The following GAB2 variants were observed in gnomAD, a reference collection of about 807,000 sequenced individuals.
The protein encoded by GAB2 is GRB2-associated-binding protein 2.
GAB2 carries 26 observed loss-of-function variants against 65.5 expected under a neutral mutation model. The ratio of observed to expected loss-of-function variants is 0.40; its 90% CI spans 0.29 to 0.55. The LOEUF is 0.55. GAB2 is among the 20% of genes least tolerant of loss of function. The pLI, the probability that GAB2 is intolerant of heterozygous loss-of-function variation, is 0.53. For synonymous variants in GAB2, 321 were observed against 329.6 expected (o/e 0.97, Z 0.28); for missense variants, 884 against 875.8 (o/e 1.01, Z -0.12).
intron 4 of GAB2, among the ~76,000 whole-genome samples, chr11:78,225,842 G>T (rs1185512014): frequency 6.6e-6 from 1 of 152,184 alleles, no homozygotes; most frequent in East Asian, 1.9e-4. Flanking sequence ...CAACAGGATG[G>T]ACAAGAAAAG....
At chr11:78,319,823 G>A (rs1855687013) in intron 1 of GAB2, among the ~76,000 whole-genome samples, 2 of 151,896 alleles carry the variant, frequency 1.3e-5, no homozygotes, top group African/African-American at 4.8e-5. Flanking sequence ...AACAGACATG[G>A]TCCATGATCT....
chr11:78,382,013 C>T (rs187108845), intron 1 of GAB2, among the ~76,000 whole-genome samples: 27 of 152,348 alleles, frequency 1.8e-4, no homozygotes, highest in Middle Eastern at 3.4e-3. Context: ...ATCATTCCAG[C>T]GTGTCAGTAA....
rs539583225 is a variant in GAB2 at position 78,410,919 on chromosome 11, T to C, written c.75+6727A>G. On this transcript the variant is annotated intron_variant, in intron 1 of 9. Transcript: ENST00000361507. ...ATCGCAGCACTCTGGGAAGCCAAGG[T>C]GGGAGGACTGCTTAAGCTCCGGAGT... Among the ~76,000 whole-genome samples, 14 of 151,816 alleles carry C rather than the reference T, an allele frequency of 9.2e-5. 1 individual carries two copies. In the South Asian group the frequency reaches 2.9e-3, roughly 32 times the overall value.
intron 1 of GAB2, among the ~76,000 whole-genome samples, chr11:78,281,646 A>T (rs1161321720): frequency 6.6e-6 from 1 of 152,172 alleles, no homozygotes; most frequent in Non-Finnish European, 1.5e-5. Flanking sequence ...CAGATTTCCC[A>T]AGTTTCAAAA....
At chr11:78,409,884 C>T (rs547469228) in intron 1 of GAB2, among the ~76,000 whole-genome samples, 1 of 152,192 alleles carries the variant, frequency 6.6e-6, no homozygotes, top group East Asian at 1.9e-4. Context: ...ATAAAATAAA[C>T]CTTGACAAGT....
intron 1 of GAB2, among the ~76,000 whole-genome samples, chr11:78,355,680 TAAAAAAA>T (rs67850407): frequency 2.5e-5 from 2 of 79,142 alleles, no homozygotes; most frequent in Non-Finnish European, 4.3e-5. Flanking sequence ...CTGTCTCACT[TAAAAAAA>T]AAAAAAAAAA....
At chr11:78,388,622 C>T (rs973023344) in intron 1 of GAB2, among the ~76,000 whole-genome samples, 1 of 152,184 alleles carries the variant, frequency 6.6e-6, no homozygotes, top group Non-Finnish European at 1.5e-5. Context: ...GCCACTGTGC[C>T]TGGCATCATA....
chr11:78,379,509 G>A (rs1856671643), intron 1 of GAB2, among the ~76,000 whole-genome samples: 1 of 152,204 alleles, frequency 6.6e-6, no homozygotes, highest in Middle Eastern at 3.2e-3. Flanking sequence ...TGACCGACAA[G>A]ACAGATTTCC....
Position 78,221,542 on chromosome 11 carries a change from G to T in GAB2, c.1761+135C>A. ...AACAGGTGCTCAAGAAGGGTTTGTA[G>T]CAGGAGACTAAATCATGAATAATAC... On this transcript the variant is annotated intron_variant, in intron 8 of 9. Coordinates refer to ENST00000361507, the MANE Select transcript of GAB2 (RefSeq NM_080491.3). The T allele has an allele frequency of 6.1e-6, 3 of 495,238 alleles. No individual in the cohort carries two copies. The South Asian group carries it at 9.7e-5, about 16-fold the overall frequency. The allele number at this position is 495,238 out of a possible 1,614,324, so 30.7% of individuals were successfully genotyped here. A position where few individuals can be genotyped will look rare whatever the true frequency, so the allele number is the denominator to read the frequency against.
intron 3 of GAB2, among the ~76,000 whole-genome samples, chr11:78,241,095 C>G (rs1865121425): frequency 6.6e-6 from 1 of 152,148 alleles, no homozygotes; most frequent in Non-Finnish European, 1.5e-5. Flanking sequence ...GAGAAAGACC[C>G]AAAAAGCCCT....
At chr11:78,332,481 A>G (rs1317265138) in intron 1 of GAB2, among the ~76,000 whole-genome samples, 1 of 152,212 alleles carries the variant, frequency 6.6e-6, no homozygotes, top group Non-Finnish European at 1.5e-5. Context: ...CTATGATAGC[A>G]CAAAAAGAAG....
chr11:78,332,109 C>T (rs566228984), intron 1 of GAB2, among the ~76,000 whole-genome samples: 1 of 152,194 alleles, frequency 6.6e-6, no homozygotes, highest in Admixed American at 6.5e-5. Context: ...AACAAACCCC[C>T]TCCAAAACTG....
chr11:78,280,976 A>G, intron 1 of GAB2, 75 bp from the exon 2 acceptor site: 6 of 1,289,258 alleles, frequency 4.7e-6, no homozygotes, highest in Non-Finnish European at 6.6e-6. Context: ...TCTTTCAGAG[A>G]CAGGTCTTGC....
At chr11:78,297,881 CACAT>C (rs533126554) in intron 1 of GAB2, among the ~76,000 whole-genome samples, 2 of 152,194 alleles carry the variant, frequency 1.3e-5, no homozygotes, top group South Asian at 4.1e-4. Context: ...ATAGCATACA[CACAT>C]ACACACATTT....
rs1339028335 is a variant in GAB2 at position 78,240,223 on chromosome 11, AAAT to A, written c.620+9931_620+9933del. ...CCAGAATGAGGTACCCCAGTAGCTAAAATAATATGGTTCCCTGCATTCCAGGGA... is the reference window on the plus strand; with the variant it reads ...CCAGAATGAGGTACCCCAGTAGCTAAAATATGGTTCCCTGCATTCCAGGGA... On this transcript the variant is annotated intron_variant, in intron 3 of 9. Transcript: ENST00000361507. Among the ~76,000 whole-genome samples, 8 of 152,202 alleles carry A rather than the reference AAAT, an allele frequency of 5.3e-5. No homozygotes were observed. The East Asian group carries it at 1.5e-3, about 29-fold the overall frequency.
chr11:78,306,686 T>G (rs1053629112), intron 1 of GAB2, among the ~76,000 whole-genome samples: 5 of 152,186 alleles, frequency 3.3e-5, no homozygotes, highest in African/African-American at 1.2e-4. Flanking sequence ...GGTACACAAG[T>G]GTTTGCAAGC....
In GAB2 at chr11:78,222,111, C is replaced by T. The variant is rs149761909; in HGVS notation, c.1652G>A (p.Arg551Lys). The T allele has an allele frequency of 6.3e-4, 1,011 of 1,607,976 alleles. 2 individuals carry two copies. Among genetic ancestry groups the T allele is most frequent in the Non-Finnish European group, 8.2e-4 (963 of 1,174,404 alleles). ...FKSPITKSWS[R>K]ANHTFNSSSS... ...CCCACACATACGCACTTACTTGGCC[C>T]TAGACCAAGACTTGGTGATAGGTGA... Residue 551 changes from arginine (R) to lysine (K), a missense_variant, in exon 7 of 10, where the codon AGG (arginine) becomes AAG (lysine). Coordinates refer to ENST00000361507, the MANE Select transcript of GAB2 (RefSeq NM_080491.3).
intron 2 of GAB2, among the ~76,000 whole-genome samples, chr11:78,258,466 G>A (rs1865651654): frequency 6.6e-6 from 1 of 152,142 alleles, no homozygotes; most frequent in African/African-American, 2.4e-5. Context: ...AAATAACCCT[G>A]ATGTGGACTT....
At chr11:78,392,711 A>C (rs73502949) in intron 1 of GAB2, among the ~76,000 whole-genome samples, 4,191 of 152,254 alleles carry the variant, frequency 0.028, 164 homozygotes, top group African/African-American at 0.089. Context: ...ATCCCTCTCC[A>C]TCCACACACC....
Sources: gnomAD v4.1 joint callset for allele counts (sites outside exome capture counted in the v4.1 genomes callset) on GRCh38, gnomAD v4.1.1 for gene constraint, MANE v1.5 for transcripts, NCBI Gene and HGNC (gene_info 2026-07-23, HGNC 2026-07-21) for gene names.